The following DOCK7 variants were observed in gnomAD, a reference collection of about 807,000 sequenced individuals.
The protein encoded by DOCK7 is dedicator of cytokinesis 7.
In DOCK7, 138 loss-of-function variants were observed where a neutral mutation model predicts 271.0. That is an observed-to-expected ratio of 0.51 (90% confidence interval 0.44 to 0.59). DOCK7 has a LOEUF of 0.59. Among genes scored for constraint, DOCK7 ranks in the 20% least tolerant of loss-of-function variants. DOCK7 has a pLI of 0.00. For synonymous variants in DOCK7, 823 were observed against 876.1 expected, an observed-to-expected ratio of 0.94 and a Z score of 1.07; for missense variants, 2,066 against 2,592.4, an observed-to-expected ratio of 0.80 and a Z score of 4.41.
At position 62,455,224 on chromosome 1, in the gene DOCK7, C is replaced by G. The variant is rs896634193; in HGVS notation, c.*190G>C. 9 of 702,276 alleles carry G rather than the reference C, an allele frequency of 1.3e-5. No homozygotes were observed. Among genetic ancestry groups the G allele is most frequent in the Non-Finnish European group, 2.3e-5 (9 of 396,432 alleles). 43.5% of individuals were successfully genotyped at this position (702,276 alleles called of 1,614,324 possible). A position where few individuals can be genotyped will look rare whatever the true frequency, so the allele number is the denominator to read the frequency against. On this transcript the variant is annotated 3_prime_UTR_variant, in exon 50 of 50. Transcript: ENST00000635253. ...GTCTTAAAAGATAACAGCTTGTTAC[C>G]AGAACATTAGAAACCATAGCCATGA... is the stretch of plus-strand genomic sequence containing the variant.
intron 43 of DOCK7, among the ~76,000 whole-genome samples, chr1:62,480,343 A>G (rs1395408061): frequency 6.6e-6 from 1 of 152,244 alleles, no homozygotes; most frequent in African/African-American, 2.4e-5. Flanking sequence ...CATTCGGTTC[A>G]AGGAAAAATA....
intron 27 of DOCK7, among the ~76,000 whole-genome samples, chr1:62,538,770 T>C (rs1032293538): frequency 1.3e-5 from 2 of 152,232 alleles, no homozygotes; most frequent in African/African-American, 4.8e-5. Flanking sequence ...GGACTATTAG[T>C]TCCCTAAAAC....
At chr1:62,623,183 G>A (rs976045132) in intron 12 of DOCK7, among the ~76,000 whole-genome samples, 3 of 152,094 alleles carry the variant, frequency 2.0e-5, no homozygotes, top group Non-Finnish European at 4.4e-5. Context: ...TCTCATTTAG[G>A]GAAAAATCTG....
In DOCK7 at chr1:62,582,549, C is replaced by CAAAAA; in HGVS notation, c.1871+630_1871+634dup. Among the ~76,000 whole-genome samples the CAAAAA allele has an allele frequency of 2.1e-3, 35 of 16,862 alleles. 2 individuals carry two copies. The highest frequency in any genetic ancestry group is 2.7e-3 in the Non-Finnish European group (21 of 7,682). The allele number at this position is 16,862 out of a possible 152,430, so 11.1% of individuals were successfully genotyped here. A position where few individuals can be genotyped will look rare whatever the true frequency, so the allele number is the denominator to read the frequency against. On this transcript the variant is annotated intron_variant, in intron 16 of 49. Transcript: ENST00000635253. ...TGGGGGACAGAGCGAGACTCCGTCT[C>CAAAAA]AAAAAAAAAAAAAAAAAAAAAAAAA... is the stretch of plus-strand genomic sequence containing the variant.
intron 7 of DOCK7, among the ~76,000 whole-genome samples, chr1:62,637,138 G>C (rs949849806): frequency 6.6e-6 from 1 of 152,130 alleles, no homozygotes; most frequent in African/African-American, 2.4e-5. Context: ...CAGTGTCACA[G>C]TATACATAAT....
Position 62,475,903 on chromosome 1 carries a change from G to A in DOCK7, c.5765C>T (p.Thr1922Ile). 6.2e-7 allele frequency: 1 copy of A among 1,613,990 alleles called. No homozygotes were observed. Among genetic ancestry groups the A allele is most frequent in the African/African-American group, 1.3e-5 (1 of 75,038 alleles). ...GGTGATTCTGTCCTTCATCTCATAT[G>A]TGTCAAAGTATGGCTCCACATAGGT... ...QITYVEPYFDTYEMKDRITYF... is the reference protein window; with the variant it reads ...QITYVEPYFDIYEMKDRITYF... The change falls in exon 46 of 50, where the codon ACA (threonine) becomes ATA (isoleucine). Residue 1922 changes from threonine to isoleucine, a missense_variant. By Grantham distance (89) the Thr-to-Ile change is moderately conservative. Coordinates refer to ENST00000635253, the MANE Select transcript of DOCK7 (RefSeq NM_001367561.1).
intron 42 of DOCK7, chr1:62,488,690 A>C (rs934702333): frequency 4.3e-6 from 2 of 465,482 alleles, no homozygotes; most frequent in Admixed American, 7.7e-5. Context: ...GCTAATTAAT[A>C]ATTCAAAAAT....
chr1:62,620,139 G>A (rs904438798), intron 12 of DOCK7, 146 bp from the exon 13 acceptor site: 5 of 480,958 alleles, frequency 1.0e-5, no homozygotes, highest in Non-Finnish European at 1.9e-5. Context: ...GGCCAACATG[G>A]TGAAACCCCG....
At chr1:62,490,014 A>C (rs1646412870) in intron 41 of DOCK7, among the ~76,000 whole-genome samples, 1 of 150,882 alleles carries the variant, frequency 6.6e-6, no homozygotes, top group Non-Finnish European at 1.5e-5. Flanking sequence ...TCACATAATC[A>C]GAGTGAGAGA....
intron 18 of DOCK7, among the ~76,000 whole-genome samples, chr1:62,565,111 A>G (rs1174642590): frequency 6.6e-6 from 1 of 152,184 alleles, no homozygotes; most frequent in East Asian, 1.9e-4. Context: ...GCTGAATTCT[A>G]CCAGAGGTGC....
chr1:62,637,936 T>C (rs753803184), intron 7 of DOCK7, among the ~76,000 whole-genome samples: 4 of 152,164 alleles, frequency 2.6e-5, no homozygotes, highest in Non-Finnish European at 4.4e-5. Context: ...TGCTGATACA[T>C]CCCTTAGTAA....
rs1646117352 is a variant in DOCK7 at position 62,555,680 on chromosome 1, A to G, written c.2596+145T>C. The G allele has an allele frequency of 2.2e-5, 18 of 801,312 alleles. No homozygotes were observed. The South Asian group carries it at 4.3e-4, about 19-fold the overall frequency. The allele number at this position is 801,312 out of a possible 1,614,324, so 49.6% of individuals were successfully genotyped here. ...ATTTATCTCTTTAACTTCAGCACCT[A>G]GCACAGTGAATGGTACTTAGCAGGT... On this transcript the variant is annotated intron_variant, in intron 21 of 49. Coordinates refer to ENST00000635253, the MANE Select transcript of DOCK7 (RefSeq NM_001367561.1).
intron 18 of DOCK7, among the ~76,000 whole-genome samples, chr1:62,564,765 C>T (rs976505179): frequency 6.6e-6 from 1 of 152,060 alleles, no homozygotes; most frequent in African/African-American, 2.4e-5. Flanking sequence ...AATCCAGGAG[C>T]TGGTTTTTGG....
intron 19 of DOCK7, among the ~76,000 whole-genome samples, chr1:62,561,212 T>C (rs532802509): frequency 6.6e-6 from 1 of 152,138 alleles, no homozygotes; most frequent in Non-Finnish European, 1.5e-5. Flanking sequence ...AGAGGATGTA[T>C]AAAACCTATC....
chr1:62,648,527 G>T lies in DOCK7; in HGVS notation c.407C>A (p.Thr136Lys). Reference sequence around the variant, plus strand: ...ATCTAATGTATTGGGATTAAATCCTGTTCCCAATTTATGATATCTATTAAA... The same window carrying T: ...ATCTAATGTATTGGGATTAAATCCTTTTCCCAATTTATGATATCTATTAAA... Reference protein sequence around the residue: ...IVIRKYHKLGTGFNPNTLDKQ... With the variant: ...IVIRKYHKLGKGFNPNTLDKQ... The change falls in exon 5 of 50, where the codon ACA becomes AAA. Residue 136 changes from threonine to lysine, a missense_variant. This residue lies in a region of DOCK7 where 1,414 missense variants were observed against 1,670.4 expected (regional missense o/e 0.85). Transcript: ENST00000635253. The T allele has an allele frequency of 7.4e-7, 1 of 1,358,782 alleles. No homozygotes were observed. Among genetic ancestry groups the T allele is most frequent in the Non-Finnish European group, 9.8e-7 (1 of 1,022,436 alleles). 84.2% of individuals were successfully genotyped at this position (1,358,782 alleles called of 1,614,324 possible).
At chr1:62,531,814 C>T (rs1645182571) in intron 29 of DOCK7, among the ~76,000 whole-genome samples, 1 of 152,106 alleles carries the variant, frequency 6.6e-6, no homozygotes, top group African/African-American at 2.4e-5. Flanking sequence ...ACAGTTAATC[C>T]TTCATTCATC....
At chr1:62,546,243 C>T (rs996931339) in intron 22 of DOCK7, among the ~76,000 whole-genome samples, 6 of 152,136 alleles carry the variant, frequency 3.9e-5, no homozygotes, top group Non-Finnish European at 8.8e-5. Context: ...GCTGTGAGTG[C>T]GGCCCAGACA....
intron 18 of DOCK7, among the ~76,000 whole-genome samples, chr1:62,563,068 G>A (rs1468458618): frequency 6.6e-6 from 1 of 152,166 alleles, no homozygotes; most frequent in Admixed American, 6.6e-5. Flanking sequence ...AGAGGTGACA[G>A]TGGAGGCCAT....
At chr1:62,490,353 C>T (rs985204854) in intron 41 of DOCK7, among the ~76,000 whole-genome samples, 1 of 152,026 alleles carries the variant, frequency 6.6e-6, no homozygotes, top group African/African-American at 2.4e-5. Flanking sequence ...ACTATGCAAC[C>T]TCCCAAAGCA....
Sources: allele counts gnomAD v4.1 joint callset (sites outside exome capture counted in the v4.1 genomes callset), GRCh38; gene constraint gnomAD v4.1.1; regional missense constraint gnomAD v4.1.1; transcripts MANE v1.5; gene names NCBI Gene and HGNC (gene_info 2026-07-23, HGNC 2026-07-21).